Variants in SLC24A2 observed in about 807,000 individuals in gnomAD.
The protein encoded by SLC24A2 is solute carrier family 24 member 2.
Under a neutral mutation model 62.0 loss-of-function variants are expected in SLC24A2, and 36 were observed. That is an observed-to-expected ratio of 0.58 (90% CI 0.44 to 0.77). The LOEUF (loss-of-function observed/expected upper bound fraction) is 0.77, where lower values mean the gene tolerates loss of function less well. SLC24A2 is among the 30% of genes least tolerant of loss of function. The pLI is 0.00. For missense variants in SLC24A2, 846 were observed against 817.9 expected (o/e 1.03, Z -0.42); for synonymous variants, 358 against 294.0 (o/e 1.22, Z -2.23).
At position 19,508,851 on chromosome 9, in the gene SLC24A2, T is replaced by G. The variant is rs1832604838; in HGVS notation, c.*7302A>C. On this transcript the variant is annotated 3_prime_UTR_variant, in exon 11 of 11. Coordinates refer to ENST00000341998, the MANE Select transcript of SLC24A2 (RefSeq NM_020344.4). Reference sequence around the variant, plus strand: ...AAGTTGAAACATTAAAGTTTTTAGTTGTGGGGACATCTTTATATATGTGTG... The same window carrying G: ...AAGTTGAAACATTAAAGTTTTTAGTGGTGGGGACATCTTTATATATGTGTG... 1 of 152,172 alleles carries G rather than the reference T, an allele frequency of 6.6e-6. No individual in the cohort carries two copies. The highest frequency in any genetic ancestry group is 1.5e-5 in the Non-Finnish European group (1 of 68,044). The allele number at this position is 152,172 out of a possible 1,614,324, so 9.4% of individuals were successfully genotyped here.
At chr9:19,524,163 A>C (rs1833326442) in intron 9 of SLC24A2, among the ~76,000 whole-genome samples, 1 of 142,984 alleles carries the variant, frequency 7.0e-6, no homozygotes, top group Non-Finnish European at 1.5e-5. Flanking sequence ...AAAAAAAGCA[A>C]ATTAGGCCAC....
chr9:19,779,953 T>G (rs1822962473), intron 2 of SLC24A2, among the ~76,000 whole-genome samples: 1 of 151,902 alleles, frequency 6.6e-6, no homozygotes, highest in Admixed American at 6.6e-5. Context: ...GTGCCGCTAC[T>G]TGGGAGGCTG....
At chr9:19,607,531 C>T (rs1172775227) in intron 4 of SLC24A2, among the ~76,000 whole-genome samples, 1 of 151,986 alleles carries the variant, frequency 6.6e-6, no homozygotes, top group Non-Finnish European at 1.5e-5. Context: ...ACCAGCCTGG[C>T]CAACATGGCG....
At chr9:19,669,408 C>T (rs560394414) in intron 2 of SLC24A2, among the ~76,000 whole-genome samples, 21 of 152,262 alleles carry the variant, frequency 1.4e-4, no homozygotes, top group African/African-American at 4.6e-4. Context: ...AACACAGAAC[C>T]GTGCTGTCCA....
the SLC24A2 span, among the ~76,000 whole-genome samples, chr9:19,961,053 A>T: frequency 8.2e-4 from 85 of 103,464 alleles, no homozygotes; most frequent in East Asian, 3.6e-3. Context: ...TGTGTGTGTG[A>T]GTGAGAGAAA....
intron 5 of SLC24A2, among the ~76,000 whole-genome samples, chr9:19,590,034 G>A (rs1563985037): frequency 6.6e-6 from 1 of 152,124 alleles, no homozygotes; most frequent in Non-Finnish European, 1.5e-5. Flanking sequence ...CTGAATTTAG[G>A]AAGGCTGATG....
the SLC24A2 span, among the ~76,000 whole-genome samples, chr9:20,260,845 C>CT: frequency 1.4e-4 from 16 of 110,508 alleles, no homozygotes; most frequent in Admixed American, 1.2e-3. Context: ...ACGTATCATT[C>CT]TTTCTTTTTT....
intron 2 of SLC24A2, among the ~76,000 whole-genome samples, chr9:19,771,193 G>T (rs1056326006): frequency 5.3e-5 from 8 of 152,178 alleles, no homozygotes; most frequent in African/African-American, 1.9e-4. Context: ...GGGAAACGGA[G>T]ATAGAGTTGG....
chr9:19,767,665 G>A (rs949635722), intron 2 of SLC24A2, among the ~76,000 whole-genome samples: 1 of 152,122 alleles, frequency 6.6e-6, no homozygotes, highest in Non-Finnish European at 1.5e-5. Flanking sequence ...AGGTGAACCG[G>A]GTACCTCAGT....
chr9:20,145,427 C>A, the SLC24A2 span, among the ~76,000 whole-genome samples: 2 of 151,946 alleles, frequency 1.3e-5, no homozygotes, highest in Non-Finnish European at 2.9e-5. Context: ...CCCATAGGAT[C>A]AATTTATATT....
intron 5 of SLC24A2, among the ~76,000 whole-genome samples, chr9:19,584,273 T>TAAAAAAAAAAAAAAA (rs5896848): frequency 1.8e-4 from 21 of 119,914 alleles, no homozygotes; most frequent in South Asian, 2.7e-4. Context: ...TAGCAAATAG[T>TAAAAAAAAAAAAAAA]AAAAAAAAAA....
chr9:20,026,473 C>T, the SLC24A2 span, among the ~76,000 whole-genome samples: 2 of 152,126 alleles, frequency 1.3e-5, no homozygotes, highest in Non-Finnish European at 2.9e-5. Flanking sequence ...TGCAGATTCT[C>T]TTTAAGAGAG....
At chr9:19,883,727 G>A in the SLC24A2 span, among the ~76,000 whole-genome samples, 2 of 152,002 alleles carry the variant, frequency 1.3e-5, no homozygotes, top group Non-Finnish European at 2.9e-5. Flanking sequence ...CACCATGCCT[G>A]GCGAATTTTT....
intron 2 of SLC24A2, among the ~76,000 whole-genome samples, chr9:19,750,397 C>CT (rs1821948849): frequency 6.6e-6 from 1 of 152,048 alleles, no homozygotes; most frequent in Admixed American, 6.6e-5. Flanking sequence ...AACTCAACTA[C>CT]AGATAGCATG....
chr9:20,157,296 C>G, the SLC24A2 span, among the ~76,000 whole-genome samples: 1 of 151,172 alleles, frequency 6.6e-6, no homozygotes, highest in Non-Finnish European at 1.5e-5. Flanking sequence ...TTTAGCATCA[C>G]CTGAAAAAAA....
the SLC24A2 span, among the ~76,000 whole-genome samples, chr9:19,879,648 A>C: frequency 1.6e-4 from 25 of 152,184 alleles, no homozygotes; most frequent in Non-Finnish European, 5.9e-5. Flanking sequence ...AACATGGAAG[A>C]AAAAAGCCAG....
the SLC24A2 span, among the ~76,000 whole-genome samples, chr9:20,299,947 T>C: frequency 6.6e-6 from 1 of 152,338 alleles, no homozygotes; most frequent in African/African-American, 2.4e-5. Context: ...CTGATGACTT[T>C]GAATTCAGGA....
chr9:19,664,114 G>C (rs1175435431), intron 2 of SLC24A2, among the ~76,000 whole-genome samples: 1 of 152,306 alleles, frequency 6.6e-6, no homozygotes, highest in African/African-American at 2.4e-5. Context: ...ATCACGCATA[G>C]ATTAACACCC....
the SLC24A2 span, among the ~76,000 whole-genome samples, chr9:20,181,769 G>C: frequency 6.6e-6 from 1 of 152,152 alleles, no homozygotes; most frequent in Non-Finnish European, 1.5e-5. Context: ...GGCAACAAAA[G>C]CCAAAATTGA....
Sources: gnomAD v4.1 joint callset for allele counts (sites outside exome capture counted in the v4.1 genomes callset) on GRCh38, gnomAD v4.1.1 for gene constraint, MANE v1.5 for transcripts, NCBI Gene and HGNC (gene_info 2026-07-23, HGNC 2026-07-21) for gene names.